Variants in DSCAM observed in about 807,000 individuals in gnomAD.
The protein encoded by DSCAM is DS cell adhesion molecule, also known as cell adhesion molecule DSCAM.
A neutral mutation model predicts 217.7 loss-of-function variants in DSCAM; 47 were observed. The ratio of observed to expected loss-of-function variants is 0.22; its 90% CI spans 0.17 to 0.28. The LOEUF is 0.28. Among genes scored for constraint, DSCAM ranks in the 10% least tolerant of loss-of-function variants. The pLI is 1.00. For synonymous variants in DSCAM, 1,056 were observed against 1,015.3 expected (o/e 1.04, Z -0.76); for missense variants, 2,080 against 2,618.3 (o/e 0.79, Z 4.49).
chr21:40,643,983 T>C (rs1238390081), intron 3 of DSCAM, among the ~76,000 whole-genome samples: 3 of 152,212 alleles, frequency 2.0e-5, no homozygotes, highest in Admixed American at 6.5e-5. Context: ...TTTGTTCAAT[T>C]GAGACCAGCA....
intron 11 of DSCAM, among the ~76,000 whole-genome samples, chr21:40,233,816 A>G (rs148680398): frequency 1.5e-3 from 221 of 152,286 alleles, no homozygotes; most frequent in African/African-American, 5.2e-3. Flanking sequence ...GCAATTCCAC[A>G]TGACCTGGTA....
Position 40,369,092 on chromosome 21 carries a change from T to C in DSCAM, c.655+7A>G. The C allele has an allele frequency of 6.2e-7, 1 of 1,604,276 alleles. No homozygotes were observed. The highest frequency in any genetic ancestry group is 8.5e-7 in the Non-Finnish European group (1 of 1,175,680). On this transcript the variant is annotated splice_region_variant and intron_variant, in intron 4 of 32. Transcript: ENST00000400454. ...ACATAGCAGACAGAGTCTTGATAAG[T>C]TTTTACCTGATACAAAAAGTCTGGC...
intron 1 of DSCAM, among the ~76,000 whole-genome samples, chr21:40,821,093 G>GAGTTATATATATCTTCACATATATAT: frequency 7.7e-6 from 1 of 129,356 alleles, no homozygotes; most frequent in South Asian, 2.4e-4. Context: ...CATATATAGA[G>GAGTTATATATATCTTCACATATATAT]AGATATATAT....
rs1045660942 is a variant in DSCAM, at chr21:40,307,883, T to C, written c.2062+4198A>G. On this transcript the variant is annotated intron_variant, in intron 9 of 32. Transcript: ENST00000400454. Reference sequence around the variant, plus strand: ...TTACTCATGGGTGGGAATTGAACAATGAGAACACATGGACACAGGAAGGGG... The same window carrying C: ...TTACTCATGGGTGGGAATTGAACAACGAGAACACATGGACACAGGAAGGGG... 6.6e-5 allele frequency among the ~76,000 whole-genome samples: 9 copies of C among 136,568 alleles called. No individual in the cohort carries two copies. The Admixed American group carries it at 7.5e-4, about 11-fold the overall frequency. The allele number at this position is 136,568 out of a possible 152,430, so 89.6% of individuals were successfully genotyped here.
At chr21:40,448,643 ATTTATCTATCTAC>A (rs958728762) in intron 3 of DSCAM, among the ~76,000 whole-genome samples, 12 of 152,012 alleles carry the variant, frequency 7.9e-5, no homozygotes, top group African/African-American at 2.9e-4. Flanking sequence ...AAATCAATCT[ATTTATCTATCTAC>A]TTTATCTAAT....
At chr21:40,472,679 G>C (rs1441226810) in intron 3 of DSCAM, among the ~76,000 whole-genome samples, 1 of 152,150 alleles carries the variant, frequency 6.6e-6, no homozygotes, top group African/African-American at 2.4e-5. Context: ...TGTTTCACTT[G>C]TGTGTCTGTT....
At chr21:40,512,382 A>C (rs1274234487) in intron 3 of DSCAM, among the ~76,000 whole-genome samples, 6 of 152,136 alleles carry the variant, frequency 3.9e-5, no homozygotes. Flanking sequence ...ACTAAATCTT[A>C]TCTCTATTAC....
In DSCAM at chr21:40,087,247, A is replaced by G. The variant is rs2089545126; in HGVS notation, c.3891T>C (p.Thr1297=). 6.2e-7 allele frequency: 1 copy of G among 1,614,144 alleles called. No homozygotes were observed. Among genetic ancestry groups the G allele is most frequent in the South Asian group, 1.1e-5 (1 of 91,088 alleles). Residue 1297 remains threonine, a synonymous_variant, in exon 22 of 33, where the codon ACT becomes ACC. Transcript: ENST00000400454. The stretch of plus-strand genomic sequence containing the variant: ...GCAAGACAATGTCTTTCATCCATGG[A>G]GTAGTCACTGTCCCACTGAAGGTCA... ...RILTFSGTVT[T]PWMKDIVLPC...
intron 11 of DSCAM, among the ~76,000 whole-genome samples, chr21:40,227,147 G>T (rs1311748408): frequency 6.6e-6 from 1 of 152,022 alleles, no homozygotes; most frequent in Non-Finnish European, 1.5e-5. Flanking sequence ...AGTTTCTTAG[G>T]CTCTAGGAGG....
intron 3 of DSCAM, among the ~76,000 whole-genome samples, chr21:40,511,227 T>C (rs1190076819): frequency 2.0e-5 from 3 of 152,200 alleles, no homozygotes; most frequent in Non-Finnish European, 4.4e-5. Flanking sequence ...AGAACAGATA[T>C]GATACTATCC....
intron 20 of DSCAM, among the ~76,000 whole-genome samples, chr21:40,113,714 T>C (rs1568947097): frequency 6.6e-6 from 1 of 152,292 alleles, no homozygotes; most frequent in East Asian, 1.9e-4. Context: ...TTCAGCAAAG[T>C]CTCAGGATAC....
At chr21:40,245,035 C>T (rs2073204478) in intron 11 of DSCAM, among the ~76,000 whole-genome samples, 1 of 152,196 alleles carries the variant, frequency 6.6e-6, no homozygotes, top group African/African-American at 2.4e-5. Context: ...CCCCCAGTCA[C>T]CTTGAACCCC....
intron 3 of DSCAM, among the ~76,000 whole-genome samples, chr21:40,443,731 A>G (rs2075651343): frequency 6.6e-6 from 1 of 152,230 alleles, no homozygotes; most frequent in Non-Finnish European, 1.5e-5. Context: ...AACAAACACT[A>G]GCAGATGTAA....
chr21:40,816,841 T>C (rs752278836), intron 1 of DSCAM, among the ~76,000 whole-genome samples: 6 of 152,074 alleles, frequency 3.9e-5, no homozygotes, highest in Non-Finnish European at 8.8e-5. Context: ...TCTAAAGGTC[T>C]CAATAGACTA....
chr21:40,395,422 A>C (rs1156754693), intron 3 of DSCAM, among the ~76,000 whole-genome samples: 2 of 151,318 alleles, frequency 1.3e-5, no homozygotes, highest in Non-Finnish European at 2.9e-5. Flanking sequence ...CTACCTGGAG[A>C]CTGTAACATT....
chr21:40,384,414 C>A lies in DSCAM; in HGVS notation c.509-15169G>T, dbSNP rs571494718. 1.1e-4 allele frequency among the ~76,000 whole-genome samples: 16 copies of A among 152,124 alleles called. No individual in the cohort carries two copies. In the East Asian group the frequency reaches 2.7e-3, roughly 26 times the overall value. ...TCAGAGGTCAGGAGTTAGAGACTAG[C>A]CTGACCAACATGGTGAAACCCCATC... is the stretch of plus-strand genomic sequence containing the variant. On this transcript the variant is annotated intron_variant, in intron 3 of 32. Transcript: ENST00000400454.
At chr21:40,615,280 T>C (rs1355107080) in intron 3 of DSCAM, 1 of 50,854 alleles carries the variant, frequency 2.0e-5, no homozygotes, top group Non-Finnish European at 4.0e-5. Context: ...AGACTCTGTC[T>C]CAAAAAAAAA....
intron 3 of DSCAM, among the ~76,000 whole-genome samples, chr21:40,545,540 G>A (rs529049428): frequency 1.3e-5 from 2 of 152,282 alleles, no homozygotes; most frequent in East Asian, 3.9e-4. Context: ...AAACCAGACA[G>A]ACCACAGAGA....
intron 3 of DSCAM, among the ~76,000 whole-genome samples, chr21:40,512,115 A>T (rs1207986619): frequency 2.0e-5 from 3 of 151,656 alleles, no homozygotes; most frequent in Non-Finnish European, 4.4e-5. Flanking sequence ...GCAAGAAGAG[A>T]GTGTGTGTGT....
Sources: allele counts gnomAD v4.1 joint callset (sites outside exome capture counted in the v4.1 genomes callset), GRCh38; gene constraint gnomAD v4.1.1; transcripts MANE v1.5; gene names NCBI Gene and HGNC (gene_info 2026-07-23, HGNC 2026-07-21).